Variants in PAPOLA observed in about 807,000 individuals in gnomAD.
PAPOLA encodes poly(A) polymerase alpha, also known as polynucleotide adenylyltransferase alpha.
In PAPOLA, 15 loss-of-function variants were observed where a neutral mutation model predicts 100.6. The ratio of observed to expected loss-of-function variants is 0.15; its 90% CI spans 0.10 to 0.23. The LOEUF is 0.23. Ranked by LOEUF, PAPOLA falls within the 10% of genes least tolerant of loss-of-function variation. The probability of loss-of-function intolerance (pLI) is 1.00; values close to 1 mark genes in which losing one functional copy is unlikely to be tolerated. For missense variants in PAPOLA, 533 were observed against 884.2 expected (o/e 0.60, Z 5.04); for synonymous variants, 293 against 300.0 (o/e 0.98, Z 0.24).
At chr14:96,520,337 G>T in intron 2 of PAPOLA, 109 bp downstream of exon 2, 1 of 789,808 alleles carries the variant, frequency 1.3e-6, no homozygotes, top group Non-Finnish European at 2.0e-6. Context: ...TATTTGCCCA[G>T]ATCTATATAT....
chr14:96,504,398 C>G (rs1007554079), intron 1 of PAPOLA: 2 of 152,170 alleles, frequency 1.3e-5, no homozygotes, highest in Non-Finnish European at 2.9e-5. Context: ...CGAGTTAGTT[C>G]AAGTGTGTAA....
chr14:96,545,129 C>T (rs956676796), intron 15 of PAPOLA, among the ~76,000 whole-genome samples: 4 of 151,986 alleles, frequency 2.6e-5, no homozygotes, highest in Non-Finnish European at 5.9e-5. Context: ...CATTTTTATT[C>T]CCTTTGAGGA....
At chr14:96,519,916 T>C (rs1897799875) in intron 1 of PAPOLA, 139 bp from the exon 2 acceptor site, 3 of 612,740 alleles carry the variant, frequency 4.9e-6, no homozygotes, top group Non-Finnish European at 8.0e-6. Context: ...GGTCACTTTT[T>C]GTCAAAAATT....
At chr14:96,537,735 A>G (rs1899657151) in intron 12 of PAPOLA, 1 of 152,100 alleles carries the variant, frequency 6.6e-6, no homozygotes, top group Admixed American at 6.5e-5. Context: ...ACAGACTTGC[A>G]CTTTTATTTG....
intron 16 of PAPOLA, among the ~76,000 whole-genome samples, chr14:96,549,339 C>T (rs1307303999): frequency 6.6e-6 from 1 of 151,662 alleles, no homozygotes; most frequent in East Asian, 1.9e-4. Context: ...AGCTCCGCCT[C>T]CTGGGTTCAC....
chr14:96,519,117 C>T (rs1897728672), intron 1 of PAPOLA, among the ~76,000 whole-genome samples: 1 of 148,718 alleles, frequency 6.7e-6, no homozygotes, highest in African/African-American at 2.5e-5. Flanking sequence ...TTGGTAGAGA[C>T]AGGGTTTCAG....
intron 1 of PAPOLA, among the ~76,000 whole-genome samples, chr14:96,507,719 T>G (rs1896830359): frequency 6.6e-6 from 1 of 152,134 alleles, no homozygotes; most frequent in Non-Finnish European, 1.5e-5. Flanking sequence ...CTCTTTGGAG[T>G]GCTCAATACA....
chr14:96,525,324 T>G lies in PAPOLA; in HGVS notation c.264T>G (p.Ser88=). Residue 88 remains serine (S), a synonymous_variant, in exon 4 of 22, where the codon TCT becomes TCG. Coordinates refer to ENST00000216277, the MANE Select transcript of PAPOLA (RefSeq NM_032632.5). ...TGTTTCAACAGAATCTTCCACAATC[T>G]GTAATTGAAAATGTTGGAGGAAAAA... ...EISESKNLPQ[S]VIENVGGKIF... is the part of the protein sequence containing the mutation. The G allele has an allele frequency of 6.6e-7, 1 of 1,507,442 alleles. No homozygotes were observed. Among genetic ancestry groups the G allele is most frequent in the Non-Finnish European group, 9.2e-7 (1 of 1,091,730 alleles). 93.4% of individuals were successfully genotyped at this position (1,507,442 alleles called of 1,614,324 possible).
chr14:96,532,757 A>T, intron 9 of PAPOLA, 108 bp downstream of exon 9: 2 of 1,431,708 alleles, frequency 1.4e-6, no homozygotes, highest in Non-Finnish European at 1.8e-6. Flanking sequence ...TTAGTTCATG[A>T]TGTAGTCATG....
At chr14:96,536,184 G>GT (rs1332040960) in intron 11 of PAPOLA, among the ~76,000 whole-genome samples, 185 bp downstream of exon 11, 1 of 152,088 alleles carries the variant, frequency 6.6e-6, no homozygotes, top group Non-Finnish European at 1.5e-5. Flanking sequence ...TAGGCAATTT[G>GT]TTTTTTATAA....
chr14:96,520,872 G>T (rs745327133), intron 2 of PAPOLA, 134 bp from the exon 3 acceptor site: 6 of 605,888 alleles, frequency 9.9e-6, no homozygotes, highest in Non-Finnish European at 1.8e-5. Flanking sequence ...GCGAGCGAGC[G>T]TGCACTAACT....
intron 17 of PAPOLA, 118 bp downstream of exon 17, chr14:96,552,740 T>A: frequency 1.0e-6 from 1 of 985,612 alleles, no homozygotes; most frequent in Non-Finnish European, 1.4e-6. Context: ...ATCTACTAAT[T>A]TTTTTTTAAA....
chr14:96,534,347 G>C, intron 9 of PAPOLA, 144 bp from the exon 10 acceptor site: 1 of 1,433,636 alleles, frequency 7.0e-7, no homozygotes, highest in East Asian at 2.5e-5. Flanking sequence ...GTAGTCTAAT[G>C]TCGTCAGAAA....
chr14:96,507,615 T>G (rs1896822609), intron 1 of PAPOLA, among the ~76,000 whole-genome samples: 1 of 152,216 alleles, frequency 6.6e-6, no homozygotes, highest in Non-Finnish European at 1.5e-5. Flanking sequence ...GTAATGAGTT[T>G]CTTGTTATTT....
chr14:96,553,811 C>T (rs1901062610), intron 17 of PAPOLA, among the ~76,000 whole-genome samples: 1 of 152,148 alleles, frequency 6.6e-6, no homozygotes, highest in Non-Finnish European at 1.5e-5. Context: ...CCACGCCCGG[C>T]CTGTATTACA....
Position 96,565,771 on chromosome 14 carries a change from T to C in PAPOLA, c.*721T>C, listed in dbSNP as rs889326435. The C allele has an allele frequency of 2.5e-6, 1 of 398,168 alleles. No individual in the cohort carries two copies. The highest frequency in any genetic ancestry group is 2.1e-5 in the African/African-American group (1 of 48,602). 24.7% of individuals were successfully genotyped at this position (398,168 alleles called of 1,614,324 possible). On this transcript the variant is annotated 3_prime_UTR_variant, in exon 22 of 22. Coordinates refer to ENST00000216277, the MANE Select transcript of PAPOLA (RefSeq NM_032632.5). ...ATCAGCGATCAGCCAGCAAATATTT[T>C]TCTTTGAGCTTGTGAAAGCTCTGTG...
intron 5 of PAPOLA, 118 bp downstream of exon 5, chr14:96,527,657 A>C: frequency 1.5e-6 from 1 of 651,438 alleles, no homozygotes; most frequent in Non-Finnish European, 2.7e-6. Context: ...AACCTTTCTA[A>C]ACACTTGGCA....
chr14:96,525,434 C>A, intron 4 of PAPOLA, 43 bp downstream of exon 4: 1 of 804,652 alleles, frequency 1.2e-6, no homozygotes, highest in South Asian at 1.7e-5. Flanking sequence ...CCCTTTAGTT[C>A]TTAAAAATTA....
chr14:96,520,383 CTTTTTG>C (rs1262055778), intron 2 of PAPOLA, among the ~76,000 whole-genome samples, 155 bp downstream of exon 2: 1 of 151,936 alleles, frequency 6.6e-6, no homozygotes, highest in Non-Finnish European at 1.5e-5. Context: ...AGAGAGAAAA[CTTTTTG>C]TTTTTGAGAC....
Sources: gnomAD v4.1 joint callset for allele counts (sites outside exome capture counted in the v4.1 genomes callset) on GRCh38, gnomAD v4.1.1 for gene constraint, MANE v1.5 for transcripts, NCBI Gene and HGNC (gene_info 2026-07-23, HGNC 2026-07-21) for gene names.